RGL1: variants seen among roughly 807,000 people sequenced by gnomAD.
RGL1 encodes the protein ral guanine nucleotide dissociation stimulator-like 1.
Under a neutral mutation model 95.2 loss-of-function variants are expected in RGL1, and 24 were observed. That is an observed-to-expected ratio of 0.25 (90% CI 0.18 to 0.35). The LOEUF (loss-of-function observed/expected upper bound fraction) is 0.35, where lower values mean the gene tolerates loss of function less well. Ranked by LOEUF, RGL1 falls within the 10% of genes least tolerant of loss-of-function variation. The pLI is 1.00. For missense variants in RGL1, 715 were observed against 936.3 expected, an observed-to-expected ratio of 0.76 and a Z score of 3.08; for synonymous variants, 329 against 344.9, an observed-to-expected ratio of 0.95 and a Z score of 0.51.
intron 1 of RGL1, among the ~76,000 whole-genome samples, chr1:183,676,291 A>G (rs147272625): frequency 1.3e-5 from 2 of 152,314 alleles, no homozygotes; most frequent in East Asian, 3.9e-4. Context: ...ATTTAATTAT[A>G]TAATTAACTA....
intron 2 of RGL1, among the ~76,000 whole-genome samples, chr1:183,826,595 T>G (rs1662879619): frequency 6.6e-6 from 1 of 152,140 alleles, no homozygotes; most frequent in Non-Finnish European, 1.5e-5. Flanking sequence ...GGCATAAAAA[T>G]AAGAAAAGTG....
chr1:183,670,748 T>C (rs56364265), intron 1 of RGL1, among the ~76,000 whole-genome samples: 12,411 of 152,316 alleles, frequency 0.081, 682 homozygotes, highest in Non-Finnish European at 0.12. Flanking sequence ...TTTTACGTGA[T>C]GTTAGGATGG....
chr1:183,801,018 A>G (rs918435012), upstream of RGL1, among the ~76,000 whole-genome samples: 14 of 137,298 alleles, frequency 1.0e-4, no homozygotes, highest in Non-Finnish European at 1.9e-4. Context: ...GCTAGACTAT[A>G]TGGTAGTTCT....
At chr1:183,637,584 T>C (rs1413976723) in intron 1 of RGL1, among the ~76,000 whole-genome samples, 1 of 152,230 alleles carries the variant, frequency 6.6e-6, no homozygotes, top group Non-Finnish European at 1.5e-5. Flanking sequence ...TGCAGTATAT[T>C]ATATATAAAT....
chr1:183,738,694 A>T (rs1472639027), intron 1 of RGL1, among the ~76,000 whole-genome samples: 1 of 152,142 alleles, frequency 6.6e-6, no homozygotes, highest in Non-Finnish European at 1.5e-5. Context: ...TGAGGCCAAG[A>T]GTTCAAGACC....
intron 2 of RGL1, among the ~76,000 whole-genome samples, chr1:183,746,661 A>G (rs180680226): frequency 3.9e-4 from 59 of 149,724 alleles, no homozygotes; most frequent in African/African-American, 1.3e-3. Flanking sequence ...TATTTTTTTA[A>G]TATACTTTAA....
chr1:183,667,180 ATCTT>A (rs995246157), intron 1 of RGL1, among the ~76,000 whole-genome samples: 2 of 152,084 alleles, frequency 1.3e-5, no homozygotes, highest in African/African-American at 4.8e-5. Flanking sequence ...AGCATGGTAT[ATCTT>A]TCTTTATCTC....
At chr1:183,692,603 A>T (rs1654011392) in intron 1 of RGL1, among the ~76,000 whole-genome samples, 1 of 152,214 alleles carries the variant, frequency 6.6e-6, no homozygotes, top group Non-Finnish European at 1.5e-5. Context: ...TTATTAACAT[A>T]AATTTACTTT....
chr1:183,849,076 T>C (rs1020100910), intron 3 of RGL1, among the ~76,000 whole-genome samples: 1 of 147,152 alleles, frequency 6.8e-6, no homozygotes, highest in African/African-American at 2.4e-5. Flanking sequence ...CAATTTTCAT[T>C]TAAAAAATTT....
At chr1:183,662,238 G>A (rs1651688800) in intron 1 of RGL1, among the ~76,000 whole-genome samples, 1 of 150,956 alleles carries the variant, frequency 6.6e-6, no homozygotes, top group Non-Finnish European at 1.5e-5. Flanking sequence ...AGGAAATAAA[G>A]GGTATTCAAT....
At chr1:183,847,882 G>A (rs3010054) in intron 3 of RGL1, 108 bp downstream of exon 3, 146,633 of 793,916 alleles carry the variant, frequency 0.18, 14,904 homozygotes, top group East Asian at 0.3. Context: ...AGATATGTGA[G>A]GAAAGATTAA....
intron 10 of RGL1, among the ~76,000 whole-genome samples, chr1:183,898,914 A>C (rs537208859): frequency 6.6e-6 from 1 of 152,214 alleles, no homozygotes; most frequent in Non-Finnish European, 1.5e-5. Flanking sequence ...GTGTTCTGCC[A>C]AAATTTCCAG....
chr1:183,913,786 TA>T (rs1483112084), intron 15 of RGL1, among the ~76,000 whole-genome samples: 5 of 152,208 alleles, frequency 3.3e-5, no homozygotes, highest in African/African-American at 4.8e-5. Context: ...GACTTTGTCA[TA>T]ATGTAGCCAA....
intron 2 of RGL1, among the ~76,000 whole-genome samples, chr1:183,781,413 G>A (rs1481303240): frequency 6.6e-6 from 1 of 152,040 alleles, no homozygotes; most frequent in African/African-American, 2.4e-5. Flanking sequence ...CACTAACTTA[G>A]AAACCCATTA....
intron 2 of RGL1, among the ~76,000 whole-genome samples, chr1:183,743,649 C>G (rs899893282): frequency 1.3e-5 from 2 of 152,122 alleles, no homozygotes; most frequent in Non-Finnish European, 2.9e-5. Flanking sequence ...TTGATAAAGA[C>G]AAATAGAAGA....
At chr1:183,856,275 TTACACACACATACACA>T (rs1412903036) in intron 3 of RGL1, among the ~76,000 whole-genome samples, 1 of 151,700 alleles carries the variant, frequency 6.6e-6, no homozygotes, top group Non-Finnish European at 1.5e-5. Flanking sequence ...CTTGGATGGG[TTACACACACATACACA>T]TACACACACA....
chr1:183,819,783 A>C (rs1465931530), intron 2 of RGL1, among the ~76,000 whole-genome samples: 1 of 136,442 alleles, frequency 7.3e-6, no homozygotes, highest in Non-Finnish European at 1.6e-5. Context: ...GCAACATTAT[A>C]CTTTTTTTTT....
At chr1:183,757,823 G>A (rs1473674136) in intron 2 of RGL1, among the ~76,000 whole-genome samples, 1 of 152,224 alleles carries the variant, frequency 6.6e-6, no homozygotes, top group African/African-American at 2.4e-5. Flanking sequence ...TTTGGTGGCA[G>A]AGTAAGATTG....
At chr1:183,690,802 T>C (rs1653900669) in intron 1 of RGL1, among the ~76,000 whole-genome samples, 1 of 152,216 alleles carries the variant, frequency 6.6e-6, no homozygotes, top group African/African-American at 2.4e-5. Context: ...ATTTTTCTTC[T>C]ACTTGTTAAT....
Sources: gnomAD v4.1 joint callset for allele counts (sites outside exome capture counted in the v4.1 genomes callset) on GRCh38, gnomAD v4.1.1 for gene constraint, MANE v1.5 for transcripts, NCBI Gene and HGNC (gene_info 2026-07-23, HGNC 2026-07-21) for gene names.